Variants in PCCA observed in about 807,000 individuals in gnomAD.
PCCA encodes the protein propionyl-CoA carboxylase subunit alpha.
A neutral mutation model predicts 101.3 loss-of-function variants in PCCA; 74 were observed. The observed-to-expected ratio is 0.73, with a 90% CI of 0.61 to 0.89. PCCA has a LOEUF of 0.89. Among genes scored for constraint, PCCA ranks in the 40% least tolerant of loss-of-function variants. The pLI is 0.00. For missense variants in PCCA, 891 were observed against 907.0 expected (o/e 0.98, Z 0.23); for synonymous variants, 294 against 313.6 (o/e 0.94, Z 0.66).
At chr13:100,282,058 C>G (rs138830531) in intron 12 of PCCA, among the ~76,000 whole-genome samples, 40 of 152,262 alleles carry the variant, frequency 2.6e-4, no homozygotes, top group African/African-American at 8.9e-4. Context: ...CATTGTTTAT[C>G]ATGAATTTTT....
At chr13:100,234,911 ACACC>A (rs939414491) in intron 7 of PCCA, among the ~76,000 whole-genome samples, 44 of 151,520 alleles carry the variant, frequency 2.9e-4, no homozygotes, top group East Asian at 2.1e-3. Flanking sequence ...ACACACACAC[ACACC>A]CCACACATAC....
Position 100,330,691 on chromosome 13 carries a change from T to C in PCCA, c.1540+20T>C, listed in dbSNP as rs754203055. ...TCAAAGGTTTGTATGCATTAAAATA[T>C]TTTAGTGTTTTAAAGTTGTTATTTT... On this transcript the variant is annotated intron_variant, in intron 17 of 23. Coordinates refer to ENST00000376285, the MANE Select transcript of PCCA (RefSeq NM_000282.4). 23 of 1,344,830 alleles carry C rather than the reference T, an allele frequency of 1.7e-5. No individual in the cohort carries two copies. In the African/African-American group the frequency reaches 2.3e-4, roughly 13 times the overall value. 83.3% of individuals were successfully genotyped at this position (1,344,830 alleles called of 1,614,324 possible).
chr13:100,526,107 C>T (rs2087785291), intron 22 of PCCA, among the ~76,000 whole-genome samples: 1 of 152,116 alleles, frequency 6.6e-6, no homozygotes, highest in Admixed American at 6.5e-5. Flanking sequence ...ACTGGACCTG[C>T]TCCTGGATTC....
chr13:100,125,972 G>A (rs531765469), intron 4 of PCCA, among the ~76,000 whole-genome samples: 31 of 152,264 alleles, frequency 2.0e-4, no homozygotes, highest in African/African-American at 6.7e-4. Context: ...TAATCAAGGC[G>A]CTGTAGTGTT....
intron 19 of PCCA, among the ~76,000 whole-genome samples, chr13:100,398,290 C>G (rs2077149875): frequency 6.6e-6 from 1 of 152,194 alleles, no homozygotes; most frequent in Non-Finnish European, 1.5e-5. Context: ...ACCTATTCCA[C>G]TGGGTTTTAA....
intron 19 of PCCA, among the ~76,000 whole-genome samples, chr13:100,391,736 T>C (rs780688118): frequency 1.3e-5 from 2 of 152,232 alleles, no homozygotes; most frequent in South Asian, 2.1e-4. Flanking sequence ...GGGAATACTA[T>C]TGATCAACAC....
chr13:100,530,141 G>A lies in PCCA; in HGVS notation c.2162G>A (p.Gly721Glu). 6.2e-7 allele frequency: 1 copy of A among 1,614,046 alleles called. No homozygotes were observed. The highest frequency in any genetic ancestry group is 8.5e-7 in the Non-Finnish European group (1 of 1,179,910). ...HCQAGDTVGE[G>E]DLLVELE ...CAAGCTGGAGACACAGTTGGAGAAG[G>A]GGATCTGCTCGTGGAGCTGGAATGA... The change falls in exon 24 of 24, where the codon GGG becomes GAG. Residue 721 changes from glycine (G) to glutamate (E), a missense_variant. Transcript: ENST00000376285.
intron 6 of PCCA, among the ~76,000 whole-genome samples, chr13:100,189,476 C>T (rs1043426890): frequency 1.3e-5 from 2 of 152,018 alleles, no homozygotes; most frequent in African/African-American, 4.8e-5. Context: ...TGTTTGAGTT[C>T]GTTGTACATT....
intron 8 of PCCA, among the ~76,000 whole-genome samples, chr13:100,240,395 G>A (rs549749483): frequency 4.6e-5 from 7 of 150,646 alleles, no homozygotes; most frequent in South Asian, 2.1e-4. Context: ...AATCTTTTGC[G>A]GGGTGAAGGG....
intron 1 of PCCA, among the ~76,000 whole-genome samples, chr13:100,094,905 A>G (rs757177055): frequency 3.9e-5 from 6 of 152,160 alleles, no homozygotes; most frequent in Non-Finnish European, 5.9e-5. Context: ...GGTATTATTT[A>G]TTCAAGAAAC....
intron 4 of PCCA, among the ~76,000 whole-genome samples, chr13:100,131,531 C>T (rs186209409): frequency 4.6e-5 from 7 of 152,252 alleles, no homozygotes; most frequent in African/African-American, 1.7e-4. Context: ...GCATACAGTT[C>T]AGTAACATTA....
At chr13:100,288,832 C>T (rs1322205028) in intron 12 of PCCA, among the ~76,000 whole-genome samples, 1 of 151,716 alleles carries the variant, frequency 6.6e-6, no homozygotes, top group Non-Finnish European at 1.5e-5. Context: ...TTTCCTTTTT[C>T]CCTCTGTGTG....
chr13:100,300,741 C>G (rs775139519), intron 12 of PCCA, among the ~76,000 whole-genome samples: 1 of 152,198 alleles, frequency 6.6e-6, no homozygotes, highest in Non-Finnish European at 1.5e-5. Flanking sequence ...GTTTGTGTAC[C>G]TATATGTCAG....
intron 18 of PCCA, among the ~76,000 whole-genome samples, chr13:100,357,623 G>A (rs1238503003): frequency 1.6e-4 from 25 of 152,122 alleles, no homozygotes; most frequent in Non-Finnish European, 1.5e-5. Flanking sequence ...TATAAACTCT[G>A]GACAAAATAT....
In PCCA at chr13:100,190,480, C is replaced by T. The variant is rs370736059; in HGVS notation, c.469-18852C>T. ...GGTGGATCACTTGAGGTCAGGAGTT[C>T]GAGACCAGCCTGGCCAACATGGTGA... On this transcript the variant is annotated intron_variant, in intron 6 of 23. Transcript: ENST00000376285. Among the ~76,000 whole-genome samples the T allele has an allele frequency of 1.3e-3, 195 of 151,922 alleles. 2 individuals are homozygous for T. Among genetic ancestry groups the T allele is most frequent in the South Asian group, 0.01 (50 of 4,788 alleles).
intron 9 of PCCA, among the ~76,000 whole-genome samples, chr13:100,259,857 T>C (rs542613520): frequency 3.9e-5 from 6 of 152,330 alleles, no homozygotes; most frequent in Admixed American, 2.0e-4. Context: ...ATCTAAAATA[T>C]ATCCAGGCAC....
intron 16 of PCCA, among the ~76,000 whole-genome samples, chr13:100,323,659 G>A (rs545835082): frequency 7.2e-5 from 11 of 152,224 alleles, no homozygotes; most frequent in African/African-American, 2.6e-4. Flanking sequence ...AAGTTAGGTA[G>A]GTCAGTGCTG....
At chr13:100,113,735 C>T (rs532637450) in intron 4 of PCCA, among the ~76,000 whole-genome samples, 33 of 152,044 alleles carry the variant, frequency 2.2e-4, no homozygotes, top group African/African-American at 4.8e-4. Flanking sequence ...TGTGTCACCA[C>T]GCTCGGCTAA....
intron 21 of PCCA, among the ~76,000 whole-genome samples, chr13:100,514,704 A>T (rs1371479046): frequency 1.3e-5 from 2 of 152,196 alleles, no homozygotes; most frequent in Non-Finnish European, 2.9e-5. Flanking sequence ...AGAAGGTGCC[A>T]TGAATATACT....
Sources: gnomAD v4.1 joint callset for allele counts (sites outside exome capture counted in the v4.1 genomes callset) on GRCh38, gnomAD v4.1.1 for gene constraint, MANE v1.5 for transcripts, NCBI Gene and HGNC (gene_info 2026-07-23, HGNC 2026-07-21) for gene names.